Variants in MYO16 observed in about 807,000 individuals in gnomAD.
The protein encoded by MYO16 is myosin XVI, also known as unconventional myosin-XVI.
MYO16 carries 94 observed loss-of-function variants against 205.3 expected under a neutral mutation model. The ratio of observed to expected loss-of-function variants is 0.46; its 90% CI spans 0.39 to 0.54. The LOEUF is 0.54. MYO16 is among the 20% of genes least tolerant of loss of function. The pLI is 0.00. For synonymous variants in MYO16, 988 were observed against 954.0 expected (o/e 1.04, Z -0.66); for missense variants, 2,315 against 2,387.5 (o/e 0.97, Z 0.63).
chr13:108,975,357 A>T (rs1002465009), intron 20 of MYO16, among the ~76,000 whole-genome samples: 1 of 152,108 alleles, frequency 6.6e-6, no homozygotes, highest in African/African-American at 2.4e-5. Context: ...TTCAACAAAG[A>T]GGTTTTTTAT....
At chr13:109,052,062 C>T (rs1000607815) in intron 24 of MYO16, among the ~76,000 whole-genome samples, 3 of 152,068 alleles carry the variant, frequency 2.0e-5, no homozygotes, top group Non-Finnish European at 2.9e-5. Flanking sequence ...GAGAGCAAGG[C>T]CCAGTTGGGA....
the MYO16 span, among the ~76,000 whole-genome samples, chr13:108,581,360 T>C: frequency 6.6e-6 from 1 of 152,332 alleles, no homozygotes; most frequent in African/African-American, 2.4e-5. Context: ...CCAGATGATA[T>C]AGACATATAA....
intron 11 of MYO16, among the ~76,000 whole-genome samples, chr13:108,865,820 G>A (rs999966505): frequency 6.6e-6 from 1 of 151,836 alleles, no homozygotes; most frequent in Non-Finnish European, 1.5e-5. Context: ...AACAGAATTT[G>A]TTACTCCATT....
Position 109,140,155 on chromosome 13 carries a change from G to A in MYO16, c.4052-109G>A. On this transcript the variant is annotated intron_variant, in intron 31 of 34. Transcript: ENST00000457511. This position sits in a 1 kb window ranked among gnomAD's most constrained non-coding sequence, Gnocchi z 8.0. Reference sequence around the variant, plus strand: ...GAGGAACATGCAGGCCCGGTCCCTTGGGATTCTCGGGGCACGGGGCCGTGG... The same window carrying A: ...GAGGAACATGCAGGCCCGGTCCCTTAGGATTCTCGGGGCACGGGGCCGTGG... 1 of 1,503,244 alleles carries A rather than the reference G, an allele frequency of 6.7e-7. No individual in the cohort carries two copies. The highest frequency in any genetic ancestry group is 8.8e-7 in the Non-Finnish European group (1 of 1,137,476). The allele number at this position is 1,503,244 out of a possible 1,614,324, so 93.1% of individuals were successfully genotyped here. A position where few individuals can be genotyped will look rare whatever the true frequency, so the allele number is the denominator to read the frequency against.
the MYO16 span, among the ~76,000 whole-genome samples, chr13:108,550,301 C>A: frequency 6.6e-6 from 1 of 152,236 alleles, no homozygotes; most frequent in East Asian, 1.9e-4. Flanking sequence ...GTAGTCCTAG[C>A]CATGCTGTAC....
chr13:108,876,307 A>AT (rs545697205), intron 12 of MYO16, among the ~76,000 whole-genome samples: 3 of 151,334 alleles, frequency 2.0e-5, no homozygotes, highest in Non-Finnish European at 3.0e-5. Context: ...AAAGTGCTGT[A>AT]TTTTTTTTTC....
At chr13:108,753,240 G>GT (rs1386365784) in intron 4 of MYO16, among the ~76,000 whole-genome samples, 1 of 151,560 alleles carries the variant, frequency 6.6e-6, no homozygotes, top group Non-Finnish European at 1.5e-5. Flanking sequence ...TGTGTTGGCG[G>GT]GCGCCTGTAA....
At chr13:109,073,405 A>G (rs565045113) in intron 27 of MYO16, among the ~76,000 whole-genome samples, 3 of 139,726 alleles carry the variant, frequency 2.1e-5, no homozygotes, top group South Asian at 2.4e-4. Context: ...GCCACTGCAC[A>G]CGGCCTGTGG....
At chr13:109,008,837 A>G (rs895590633) in intron 21 of MYO16, 60 bp from the exon 22 acceptor site, 28 of 1,358,654 alleles carry the variant, frequency 2.1e-5, no homozygotes, top group East Asian at 4.8e-5. Context: ...TGTACTATCT[A>G]TCTTGTGTAT....
In MYO16 at chr13:109,127,050, T is replaced by G. The variant is rs1876285445; in HGVS notation, c.3783-232T>G. Among the ~76,000 whole-genome samples, 2 of 152,174 alleles carry G rather than the reference T, an allele frequency of 1.3e-5. No individual in the cohort carries two copies. Among genetic ancestry groups the G allele is most frequent in the South Asian group, 4.1e-4 (2 of 4,832 alleles). ...GAGAATGTTTAAAAAGTAATCATGATGGATATCCCGCGGGCTCATGTGCTT... is the reference window on the plus strand; with the variant it reads ...GAGAATGTTTAAAAAGTAATCATGAGGGATATCCCGCGGGCTCATGTGCTT... On this transcript the variant is annotated intron_variant, in intron 30 of 34. Coordinates refer to ENST00000457511, the MANE Select transcript of MYO16 (RefSeq NM_001198950.3). This position sits in a 1 kb window ranked among gnomAD's most constrained non-coding sequence, Gnocchi z 4.2.
chr13:108,595,672 G>C (rs555363341), upstream of MYO16, among the ~76,000 whole-genome samples: 1 of 152,210 alleles, frequency 6.6e-6, no homozygotes, highest in African/African-American at 2.4e-5. Flanking sequence ...TTGGCCCTAA[G>C]CAGCCTCTGA....
At chr13:109,132,349 T>C (rs1045557950) in intron 31 of MYO16, among the ~76,000 whole-genome samples, 1 of 152,244 alleles carries the variant, frequency 6.6e-6, no homozygotes, top group African/African-American at 2.4e-5. Flanking sequence ...TTTTCCAAAA[T>C]TGCTGTACAA....
chr13:108,809,139 A>G (rs1329062843), intron 7 of MYO16, among the ~76,000 whole-genome samples: 1 of 152,182 alleles, frequency 6.6e-6, no homozygotes, highest in African/African-American at 2.4e-5. Context: ...GATTGTTTTT[A>G]TTACTCCCTC....
At chr13:109,169,066 C>T (rs1021147522) in intron 33 of MYO16, among the ~76,000 whole-genome samples, 2 of 152,224 alleles carry the variant, frequency 1.3e-5, no homozygotes, top group African/African-American at 4.8e-5. Flanking sequence ...TTATTCCACA[C>T]TCTGTGCCCA....
At chr13:108,694,449 T>C (rs1883014083) in intron 2 of MYO16, among the ~76,000 whole-genome samples, 1 of 152,192 alleles carries the variant, frequency 6.6e-6, no homozygotes, top group South Asian at 2.1e-4. Context: ...CACTTAATGT[T>C]CCTTTAAAAA....
Position 109,159,312 on chromosome 13 carries a change from G to A in MYO16, c.5165-5589G>A, listed in dbSNP as rs113741304. Among the ~76,000 whole-genome samples, 269 of 152,310 alleles carry A rather than the reference G, an allele frequency of 1.8e-3. 2 individuals are homozygous for A. Among genetic ancestry groups the A allele is most frequent in the African/African-American group, 5.8e-3 (243 of 41,564 alleles). On this transcript the variant is annotated intron_variant, in intron 32 of 34. Transcript: ENST00000457511. Reference sequence around the variant, plus strand: ...AACACTGAAAGTGCTTCCGTAAGTTGTCAATCTTGTGTGAATGGGGAAAAA... The same window carrying A: ...AACACTGAAAGTGCTTCCGTAAGTTATCAATCTTGTGTGAATGGGGAAAAA...
Position 109,125,216 on chromosome 13 carries a change from G to C in MYO16, c.3640G>C (p.Gly1214Arg). ...NSFLQNTEDM[G>R]LKTYDALVIQ... Reference sequence around the variant, plus strand: ...CTTTCTGCAGAACACAGAGGACATGGGGCTGAAAACCTACGATGCCCTGGT... The same window carrying C: ...CTTTCTGCAGAACACAGAGGACATGCGGCTGAAAACCTACGATGCCCTGGT... Residue 1214 changes from glycine to arginine, a missense_variant, in exon 30 of 35, where the codon GGG becomes CGG. This residue lies in a region of MYO16 where 1,097 missense variants were observed against 1,092.0 expected (regional missense o/e 1.00). Transcript: ENST00000457511. This position sits in a 1 kb window ranked among gnomAD's most constrained non-coding sequence, Gnocchi z 4.0. The C allele has an allele frequency of 6.2e-7, 1 of 1,614,068 alleles. No homozygotes were observed. Among genetic ancestry groups the C allele is most frequent in the Non-Finnish European group, 8.5e-7 (1 of 1,179,998 alleles).
the MYO16 span, among the ~76,000 whole-genome samples, chr13:108,510,461 G>GTTT: frequency 0.033 from 1,523 of 45,610 alleles, 78 homozygotes; most frequent in African/African-American, 0.057. Flanking sequence ...ATTGATAGCT[G>GTTT]TTTTTTTTTT....
chr13:108,770,699 A>G (rs1209902335), intron 4 of MYO16, among the ~76,000 whole-genome samples: 1 of 152,220 alleles, frequency 6.6e-6, no homozygotes, highest in African/African-American at 2.4e-5. Context: ...TAAGCACCCA[A>G]AGGATATTCT....
Sources: allele counts gnomAD v4.1 joint callset (sites outside exome capture counted in the v4.1 genomes callset), GRCh38; gene constraint gnomAD v4.1.1; regional missense constraint gnomAD v4.1.1; non-coding constraint Gnocchi (gnomAD v3.1); transcripts MANE v1.5; gene names NCBI Gene and HGNC (gene_info 2026-07-23, HGNC 2026-07-21).